SYT1: variants seen among roughly 807,000 people sequenced by gnomAD.
SYT1 encodes synaptotagmin 1.
Under a neutral mutation model 44.8 loss-of-function variants are expected in SYT1, and 8 were observed. The observed-to-expected ratio is 0.18, with a 90% CI of 0.10 to 0.32. The LOEUF (loss-of-function observed/expected upper bound fraction) is 0.32, where lower values mean the gene tolerates loss of function less well. Ranked by LOEUF, SYT1 falls within the 10% of genes least tolerant of loss-of-function variation. The pLI, the probability that SYT1 is intolerant of heterozygous loss-of-function variation, is 1.00. For missense variants in SYT1, 286 were observed against 509.3 expected, an observed-to-expected ratio of 0.56 and a Z score of 4.22; for synonymous variants, 154 against 188.8, an observed-to-expected ratio of 0.82 and a Z score of 1.51.
At chr12:79,389,312 A>G (rs1884562383) in intron 9 of SYT1, among the ~76,000 whole-genome samples, 1 of 152,222 alleles carries the variant, frequency 6.6e-6, no homozygotes, top group African/African-American at 2.4e-5. Flanking sequence ...AAATTTGAGT[A>G]TGAGCTATCT....
intron 1 of SYT1, among the ~76,000 whole-genome samples, chr12:78,943,050 G>A (rs1361806843): frequency 6.6e-6 from 1 of 152,186 alleles, no homozygotes; most frequent in Non-Finnish European, 1.5e-5. Flanking sequence ...AATATTCAAT[G>A]AGTATTCATT....
intron 4 of SYT1, among the ~76,000 whole-genome samples, chr12:79,275,075 A>T (rs946244377): frequency 2.0e-5 from 3 of 152,122 alleles, no homozygotes; most frequent in African/African-American, 7.2e-5. Context: ...ACCCTAAGGG[A>T]CTGCCACTCC....
intron 1 of SYT1, among the ~76,000 whole-genome samples, chr12:78,939,495 AG>A (rs1447397765): frequency 6.6e-6 from 1 of 152,244 alleles, no homozygotes; most frequent in East Asian, 1.9e-4. Flanking sequence ...CTTTGGAATC[AG>A]AGCTCTCAGC....
At chr12:79,164,930 G>C (rs1592808861) in intron 3 of SYT1, among the ~76,000 whole-genome samples, 1 of 152,008 alleles carries the variant, frequency 6.6e-6, no homozygotes, top group Non-Finnish European at 1.5e-5. Context: ...AATATCTAGA[G>C]AGGTAACCTT....
At chr12:79,245,740 A>T (rs1192419969) in intron 4 of SYT1, among the ~76,000 whole-genome samples, 1 of 152,244 alleles carries the variant, frequency 6.6e-6, no homozygotes, top group African/African-American at 2.4e-5. Context: ...ATGATTTCTT[A>T]TAGATCATGT....
At chr12:79,049,234 T>C (rs1358101172) in intron 3 of SYT1, among the ~76,000 whole-genome samples, 1 of 151,952 alleles carries the variant, frequency 6.6e-6, no homozygotes, top group African/African-American at 2.4e-5. Flanking sequence ...ATTTTCATAA[T>C]TGTATTGAAA....
intron 3 of SYT1, among the ~76,000 whole-genome samples, chr12:79,156,759 A>G (rs1011025957): frequency 6.6e-6 from 1 of 152,092 alleles, no homozygotes; most frequent in Non-Finnish European, 1.5e-5. Context: ...GAGCCACCGC[A>G]CCTGGCCTGT....
intron 2 of SYT1, among the ~76,000 whole-genome samples, chr12:79,043,228 T>G (rs912014057): frequency 2.0e-5 from 3 of 149,714 alleles, no homozygotes; most frequent in Non-Finnish European, 3.0e-5. Context: ...CAGTGGGGTG[T>G]TAAAGTCTCC....
chr12:79,353,418 C>T (rs1882988417), intron 8 of SYT1, 84 bp from the exon 9 acceptor site: 4 of 1,063,694 alleles, frequency 3.8e-6, no homozygotes. Flanking sequence ...TAATCCTCCT[C>T]TTGAAGAATT....
intron 2 of SYT1, among the ~76,000 whole-genome samples, chr12:79,020,042 G>A (rs1010606914): frequency 2.6e-5 from 4 of 151,898 alleles, no homozygotes; most frequent in Admixed American, 2.0e-4. Context: ...GTTGATACAG[G>A]ATCTGACATT....
At chr12:78,902,354 G>A (rs1184962393) in intron 1 of SYT1, among the ~76,000 whole-genome samples, 1 of 151,956 alleles carries the variant, frequency 6.6e-6, no homozygotes, top group Non-Finnish European at 1.5e-5. Context: ...TTGAAAGCAA[G>A]CTCAACATAT....
chr12:78,989,593 T>C (rs1485836235), intron 2 of SYT1, among the ~76,000 whole-genome samples: 3 of 152,058 alleles, frequency 2.0e-5, no homozygotes, highest in African/African-American at 7.2e-5. Context: ...TTTTTAAAGT[T>C]AGCTCTCTTA....
intron 9 of SYT1, among the ~76,000 whole-genome samples, chr12:79,414,073 A>C (rs1868588610): frequency 6.6e-6 from 1 of 152,218 alleles, no homozygotes; most frequent in African/African-American, 2.4e-5. Flanking sequence ...TAAAATTATA[A>C]AACATTATTG....
At chr12:79,145,756 TGTTTGTTTG>T (rs1565825887) in intron 3 of SYT1, among the ~76,000 whole-genome samples, 78 of 148,318 alleles carry the variant, frequency 5.3e-4, no homozygotes, top group African/African-American at 2.0e-3. Context: ...TTTTTTTGTT[TGTTTGTTTG>T]TTTGTTTTTT....
chr12:79,290,597 C>A (rs1052119278), intron 5 of SYT1, among the ~76,000 whole-genome samples: 8 of 152,154 alleles, frequency 5.3e-5, no homozygotes, highest in African/African-American at 1.9e-4. Flanking sequence ...GTTAAGATTC[C>A]TTTACTTTAT....
At chr12:78,964,928 A>G (rs1176348246) in intron 1 of SYT1, among the ~76,000 whole-genome samples, 4 of 152,098 alleles carry the variant, frequency 2.6e-5, no homozygotes, top group African/African-American at 9.6e-5. Flanking sequence ...TGAACAGTTT[A>G]GAATTCTATA....
intron 1 of SYT1, among the ~76,000 whole-genome samples, chr12:78,881,805 G>C (rs1034326333): frequency 1.3e-5 from 2 of 151,504 alleles, no homozygotes; most frequent in African/African-American, 4.8e-5. Context: ...AAGAGTACCA[G>C]CTCTCTTTGA....
intron 4 of SYT1, among the ~76,000 whole-genome samples, chr12:79,219,200 T>C (rs941631995): frequency 6.6e-6 from 1 of 152,088 alleles, no homozygotes; most frequent in Non-Finnish European, 1.5e-5. Context: ...CTTCTTTTGA[T>C]TGGTTTATTT....
chr12:79,309,687 A>T (rs1203041846), intron 8 of SYT1, among the ~76,000 whole-genome samples: 1 of 152,248 alleles, frequency 6.6e-6, no homozygotes, highest in Non-Finnish European at 1.5e-5. Flanking sequence ...TCAACAGAAG[A>T]TCAAGCTGCA....
Sources: gnomAD v4.1 joint callset for allele counts (sites outside exome capture counted in the v4.1 genomes callset) on GRCh38, gnomAD v4.1.1 for gene constraint, MANE v1.5 for transcripts, NCBI Gene and HGNC (gene_info 2026-07-23, HGNC 2026-07-21) for gene names.